JARID2: variants seen among roughly 807,000 people sequenced by gnomAD.
JARID2 encodes the protein jumonji and AT-rich interaction domain containing 2, also known as protein Jumonji.
A neutral mutation model predicts 125.6 loss-of-function variants in JARID2; 21 were observed. That is an observed-to-expected ratio of 0.17 (90% confidence interval 0.12 to 0.24). The LOEUF is 0.24. JARID2 is among the 10% of genes least tolerant of loss of function. The probability of loss-of-function intolerance (pLI) is 1.00; values close to 1 mark genes in which losing one functional copy is unlikely to be tolerated. For missense variants in JARID2, 1,303 were observed against 1,639.6 expected, an observed-to-expected ratio of 0.79 and a Z score of 3.55; for synonymous variants, 736 against 661.6, an observed-to-expected ratio of 1.11 and a Z score of -1.73.
chr6:15,415,536 C>G (rs1475527357), intron 3 of JARID2, among the ~76,000 whole-genome samples: 6 of 126,680 alleles, frequency 4.7e-5, no homozygotes, highest in Non-Finnish European at 6.7e-5. Flanking sequence ...AGGCGCCCCT[C>G]ACCTCCCGGG....
chr6:15,490,135 A>G (rs1269557390), intron 6 of JARID2, among the ~76,000 whole-genome samples: 2 of 152,204 alleles, frequency 1.3e-5, no homozygotes, highest in Non-Finnish European at 2.9e-5. Context: ...AGTAAAAGCA[A>G]ATTGTAGATT....
At chr6:15,342,175 A>C (rs998900506) in intron 1 of JARID2, among the ~76,000 whole-genome samples, 2 of 152,200 alleles carry the variant, frequency 1.3e-5, no homozygotes, top group African/African-American at 4.8e-5. Flanking sequence ...CTGGCTTTTA[A>C]ATAATTTTCT....
chr6:15,509,620 C>G (rs769952660), intron 12 of JARID2, among the ~76,000 whole-genome samples: 1 of 152,226 alleles, frequency 6.6e-6, no homozygotes, highest in South Asian at 2.1e-4. Flanking sequence ...GGGGAGGGGA[C>G]AGCCAGGACT....
chr6:15,464,790 AT>A lies in JARID2; in HGVS notation c.494-3750del, dbSNP rs1447506390. Among the ~76,000 whole-genome samples the A allele has an allele frequency of 2.0e-5, 3 of 151,816 alleles. No individual in the cohort carries two copies. The East Asian group carries it at 5.8e-4, about 29-fold the overall frequency. ...CTTCATTACCCATTTTTCTTTGTTGATTCTTTACCTTTAGATCCAGACCAAC... is the reference window on the plus strand; with the variant it reads ...CTTCATTACCCATTTTTCTTTGTTGATCTTTACCTTTAGATCCAGACCAAC... On this transcript the variant is annotated intron_variant, in intron 4 of 17. Coordinates refer to ENST00000341776, the MANE Select transcript of JARID2 (RefSeq NM_004973.4).
At chr6:15,337,460 A>G (rs1280023949) in intron 1 of JARID2, among the ~76,000 whole-genome samples, 1 of 152,124 alleles carries the variant, frequency 6.6e-6, no homozygotes, top group Non-Finnish European at 1.5e-5. Flanking sequence ...GCAGCAGGCA[A>G]GGTCTGAGCC....
chr6:15,379,128 A>G lies in JARID2; in HGVS notation c.181+4876A>G, dbSNP rs1015613199. On this transcript the variant is annotated intron_variant, in intron 2 of 17. Coordinates refer to ENST00000341776, the MANE Select transcript of JARID2 (RefSeq NM_004973.4). ...TCATGTCATAAAATCCATGTTTGCT[A>G]TCAGTCTTGTTTTTGTGGTTTTACA... Among the ~76,000 whole-genome samples, 10 of 152,004 alleles carry G rather than the reference A, an allele frequency of 6.6e-5. No individual in the cohort carries two copies. In the South Asian group the frequency reaches 1.9e-3, roughly 29 times the overall value.
In JARID2 at chr6:15,494,413, C is replaced by CTTTTTTTTTTTTTT. The variant is rs60218567; in HGVS notation, c.907-1712_907-1699dup. On this transcript the variant is annotated intron_variant, in intron 6 of 17. Transcript: ENST00000341776. ...ACTGGTTTGGATGTTTTTGGCAAGT[C>CTTTTTTTTTTTTTT]TTTTTTTTTTTTTTTTTTTTGAGAC... Among the ~76,000 whole-genome samples, 76 of 80,580 alleles carry CTTTTTTTTTTTTTT rather than the reference C, an allele frequency of 9.4e-4. 13 individuals carry two copies. Among genetic ancestry groups the CTTTTTTTTTTTTTT allele is most frequent in the East Asian group, 1.3e-3 (3 of 2,324 alleles). 52.9% of individuals were successfully genotyped at this position (80,580 alleles called of 152,430 possible). A position where few individuals can be genotyped will look rare whatever the true frequency, so the allele number is the denominator to read the frequency against.
chr6:15,512,107 T>A (rs779013120), intron 13 of JARID2, 101 bp from the exon 14 acceptor site: 3 of 933,040 alleles, frequency 3.2e-6, no homozygotes, highest in Non-Finnish European at 1.6e-6. Context: ...CAATCTTATC[T>A]CCTTGAGAGC....
intron 3 of JARID2, among the ~76,000 whole-genome samples, chr6:15,434,843 A>G (rs1015086630): frequency 3.3e-5 from 5 of 152,218 alleles, no homozygotes; most frequent in African/African-American, 7.2e-5. Context: ...TGCAGTCTAT[A>G]TAACTCATGA....
At position 15,497,216 on chromosome 6, in the gene JARID2, C is replaced by T. The variant is rs1181469808; in HGVS notation, c.1945+46C>T. 4 of 1,387,002 alleles carry T rather than the reference C, an allele frequency of 2.9e-6. No homozygotes were observed. In the South Asian group the frequency reaches 4.1e-5, roughly 14 times the overall value. The allele number at this position is 1,387,002 out of a possible 1,614,324, so 85.9% of individuals were successfully genotyped here. On this transcript the variant is annotated intron_variant, in intron 7 of 17. Transcript: ENST00000341776. ...AGGGGGTGGTGCCTGCCCTCCTGCCCCCAGATCCCTGCAGTTCCCTCACAG... is the reference window on the plus strand; with the variant it reads ...AGGGGGTGGTGCCTGCCCTCCTGCCTCCAGATCCCTGCAGTTCCCTCACAG...
intron 3 of JARID2, among the ~76,000 whole-genome samples, chr6:15,445,353 G>A (rs1581574776): frequency 6.6e-6 from 1 of 152,206 alleles, no homozygotes; most frequent in Non-Finnish European, 1.5e-5. Context: ...TAATGTTAGT[G>A]TGTATCTTGC....
intron 8 of JARID2, among the ~76,000 whole-genome samples, chr6:15,502,663 C>T (rs1399094992): frequency 2.0e-5 from 3 of 152,210 alleles, no homozygotes; most frequent in South Asian, 4.1e-4. Context: ...ACTTTAAGTC[C>T]AGGCCCTGCA....
intron 8 of JARID2, among the ~76,000 whole-genome samples, chr6:15,502,131 C>T (rs534491085): frequency 2.7e-4 from 41 of 152,388 alleles, no homozygotes; most frequent in Non-Finnish European, 5.1e-4. Flanking sequence ...AAACATGCAG[C>T]GTTTCCCTGT....
intron 2 of JARID2, among the ~76,000 whole-genome samples, chr6:15,395,316 C>T (rs562443286): frequency 5.3e-5 from 8 of 152,146 alleles, no homozygotes; most frequent in African/African-American, 1.2e-4. Flanking sequence ...GGTGGGGGCA[C>T]GGAGTTTTTG....
chr6:15,254,790 A>AGCACTTTCGAAG (rs1255725295), intron 1 of JARID2, among the ~76,000 whole-genome samples: 1 of 152,168 alleles, frequency 6.6e-6, no homozygotes, highest in Non-Finnish European at 1.5e-5. Context: ...CCGTAATCCC[A>AGCACTTTCGAAG]GCACTTTCGA....
At chr6:15,252,756 G>GT (rs139308883) in intron 1 of JARID2, among the ~76,000 whole-genome samples, 6,729 of 100,754 alleles carry the variant, frequency 0.067, 194 homozygotes, top group Admixed American at 0.14. Flanking sequence ...ATTATCTTTC[G>GT]TTTTTTTTCC....
intron 5 of JARID2, among the ~76,000 whole-genome samples, chr6:15,469,361 C>CTCCCTCTCCCCCT (rs1213847761): frequency 1.2e-4 from 1 of 8,440 alleles, no homozygotes; most frequent in Admixed American, 1.3e-3. Context: ...CTCTCTCTCT[C>CTCCCTCTCCCCCT]CTCCCCTTCT....
intron 7 of JARID2, among the ~76,000 whole-genome samples, chr6:15,499,868 G>T (rs1403567436): frequency 2.0e-5 from 3 of 152,142 alleles, no homozygotes; most frequent in African/African-American, 7.2e-5. Context: ...CTCGCTCTCT[G>T]TGTGTGCTGT....
intron 2 of JARID2, among the ~76,000 whole-genome samples, chr6:15,402,886 G>T (rs1765492874): frequency 6.6e-6 from 1 of 152,172 alleles, no homozygotes; most frequent in Non-Finnish European, 1.5e-5. Flanking sequence ...AATTAAAAGG[G>T]TGTTGAAATG....
Sources: gnomAD v4.1 joint callset for allele counts (sites outside exome capture counted in the v4.1 genomes callset) on GRCh38, gnomAD v4.1.1 for gene constraint, MANE v1.5 for transcripts, NCBI Gene and HGNC (gene_info 2026-07-23, HGNC 2026-07-21) for gene names.